The following C14orf39 variants were observed in gnomAD, a reference collection of about 807,000 sequenced individuals.
C14orf39 encodes chromosome 14 open reading frame 39, also known as protein SIX6OS1.
In C14orf39, 66 loss-of-function variants were observed where a neutral mutation model predicts 85.6. That is an observed-to-expected ratio of 0.77 (90% CI 0.63 to 0.95). The LOEUF (loss-of-function observed/expected upper bound fraction) is 0.95. Among genes scored for constraint, C14orf39 ranks in the 40% least tolerant of loss-of-function variants. The pLI is 0.00. For synonymous variants in C14orf39, 242 were observed against 214.0 expected (o/e 1.13, Z -1.14); for missense variants, 735 against 663.9 (o/e 1.11, Z -1.18).
intron 1 of C14orf39, chr14:60,510,037 G>A: frequency 1.4e-6 from 2 of 1,396,124 alleles, no homozygotes; most frequent in South Asian, 1.2e-5. Flanking sequence ...CACCTCTGGC[G>A]CCCTTACCCA....
intron 9 of C14orf39, among the ~76,000 whole-genome samples, 196 bp downstream of exon 9, chr14:60,468,249 T>C (rs569284279): frequency 1.1e-4 from 16 of 150,000 alleles, no homozygotes; most frequent in African/African-American, 3.6e-4. Flanking sequence ...TCAGCCTTAC[T>C]AAATAACAAG....
chr14:60,478,967 T>C (rs1595482179), intron 4 of C14orf39, among the ~76,000 whole-genome samples: 2 of 152,044 alleles, frequency 1.3e-5, no homozygotes, highest in African/African-American at 4.8e-5. Flanking sequence ...ATATTACCAA[T>C]ACAAAAAAAT....
intron 9 of C14orf39, among the ~76,000 whole-genome samples, chr14:60,467,815 T>C (rs183077399): frequency 7.2e-4 from 109 of 151,612 alleles, no homozygotes; most frequent in African/African-American, 2.2e-3. Flanking sequence ...CCATGGAACT[T>C]GAGGAAAGGA....
intron 1 of C14orf39, among the ~76,000 whole-genome samples, chr14:60,506,169 C>G (rs1893201215): frequency 6.6e-6 from 1 of 152,186 alleles, no homozygotes; most frequent in South Asian, 2.1e-4. Flanking sequence ...TCCCAATCTA[C>G]TAGCTGCAAA....
intron 1 of C14orf39, among the ~76,000 whole-genome samples, chr14:60,507,301 G>A (rs1457248782): frequency 6.6e-6 from 1 of 152,190 alleles, no homozygotes; most frequent in Non-Finnish European, 1.5e-5. Context: ...CGGCCACCGA[G>A]GCCCTCTTTT....
intron 2 of C14orf39, chr14:60,495,223 T>C (rs1259539680): frequency 9.6e-6 from 2 of 207,634 alleles, no homozygotes; most frequent in Non-Finnish European, 2.1e-5. Context: ...GCGACATTCA[T>C]TGGGGTTGGT....
At chr14:60,447,802 G>C (rs1566657068) in intron 16 of C14orf39, among the ~76,000 whole-genome samples, 1 of 152,164 alleles carries the variant, frequency 6.6e-6, no homozygotes, top group Non-Finnish European at 1.5e-5. Flanking sequence ...TATACTACAA[G>C]TCTATAGTAA....
chr14:60,503,650 C>T (rs1893171985), intron 1 of C14orf39, among the ~76,000 whole-genome samples: 1 of 151,952 alleles, frequency 6.6e-6, no homozygotes, highest in Non-Finnish European at 1.5e-5. Context: ...GTTCTCTGTC[C>T]CACTAATTAT....
intron 9 of C14orf39, among the ~76,000 whole-genome samples, chr14:60,467,680 A>C (rs1891861460): frequency 6.6e-6 from 1 of 151,834 alleles, no homozygotes; most frequent in African/African-American, 2.4e-5. Flanking sequence ...TTATAAAATT[A>C]AAGACACACT....
chr14:60,453,710 T>A (rs181862739), intron 16 of C14orf39, among the ~76,000 whole-genome samples: 63 of 151,968 alleles, frequency 4.1e-4, no homozygotes, highest in African/African-American at 1.3e-3. Context: ...TTCCTGATAG[T>A]TCTTGACCAC....
At chr14:60,445,424 G>A (rs1890717364) in intron 16 of C14orf39, among the ~76,000 whole-genome samples, 1 of 152,080 alleles carries the variant, frequency 6.6e-6, no homozygotes, top group South Asian at 2.1e-4. Flanking sequence ...CCTAGTCTCT[G>A]ATAAAACAGA....
intron 5 of C14orf39, among the ~76,000 whole-genome samples, chr14:60,472,050 T>C (rs747249628): frequency 1.2e-4 from 19 of 152,058 alleles, no homozygotes; most frequent in Non-Finnish European, 2.2e-4. Context: ...GATCTCTTTT[T>C]AGCACTCATC....
At chr14:60,513,033 G>T (rs1272203540) in intron 1 of C14orf39, among the ~76,000 whole-genome samples, 1 of 152,156 alleles carries the variant, frequency 6.6e-6, no homozygotes, top group African/African-American at 2.4e-5. Flanking sequence ...GCAGCCAAAC[G>T]GCAAGATAGA....
intron 4 of C14orf39, among the ~76,000 whole-genome samples, chr14:60,481,275 T>C (rs549032330): frequency 1.3e-5 from 2 of 152,308 alleles, no homozygotes; most frequent in South Asian, 2.1e-4. Flanking sequence ...AAAAAAAGAC[T>C]GACATAAACA....
At position 60,480,543 on chromosome 14, in the gene C14orf39, G is replaced by T. The variant is rs970285375; in HGVS notation, c.234-2154C>A. 2.0e-5 allele frequency among the ~76,000 whole-genome samples: 3 copies of T among 152,152 alleles called. No homozygotes were observed. In the South Asian group the frequency reaches 6.2e-4, roughly 31 times the overall value. On this transcript the variant is annotated intron_variant, in intron 4 of 17. Transcript: ENST00000321731. ...GTACAGCTACTTCAGAAAATAGTATGGCAGGTCCTCAAAAAACTAAAAATA... is the reference window on the plus strand; with the variant it reads ...GTACAGCTACTTCAGAAAATAGTATTGCAGGTCCTCAAAAAACTAAAAATA...
chr14:60,443,936 C>T (rs1890642692), intron 16 of C14orf39, among the ~76,000 whole-genome samples: 1 of 152,210 alleles, frequency 6.6e-6, no homozygotes, highest in South Asian at 2.1e-4. Flanking sequence ...CAAACTACAA[C>T]AGACCTGCAG....
intron 17 of C14orf39, among the ~76,000 whole-genome samples, chr14:60,441,352 AAAG>A (rs1202032136): frequency 2.6e-5 from 4 of 152,198 alleles, no homozygotes; most frequent in African/African-American, 9.7e-5. Flanking sequence ...GGCAGTGGCA[AAAG>A]AAGGTGTATT....
At chr14:60,472,301 TAGA>T (rs1397442767) in intron 5 of C14orf39, among the ~76,000 whole-genome samples, 1 of 152,112 alleles carries the variant, frequency 6.6e-6, no homozygotes, top group Non-Finnish European at 1.5e-5. Flanking sequence ...TATCACAGTT[TAGA>T]AGAACTCTAC....
intron 16 of C14orf39, among the ~76,000 whole-genome samples, chr14:60,453,994 T>C (rs760823627): frequency 2.6e-5 from 4 of 151,940 alleles, no homozygotes; most frequent in Non-Finnish European, 5.9e-5. Context: ...TTTATATACA[T>C]GCATTTTGCA....
Sources: gnomAD v4.1 joint callset for allele counts (sites outside exome capture counted in the v4.1 genomes callset) on GRCh38, gnomAD v4.1.1 for gene constraint, MANE v1.5 for transcripts, NCBI Gene and HGNC (gene_info 2026-07-23, HGNC 2026-07-21) for gene names.